The following CPLANE1 variants were observed in gnomAD, a reference collection of about 807,000 sequenced individuals.
CPLANE1 encodes the protein ciliogenesis and planar polarity effector 1.
CPLANE1 carries 263 observed loss-of-function variants against 362.5 expected under a neutral mutation model. The observed-to-expected ratio is 0.73, with a 90% CI of 0.66 to 0.80. The LOEUF is 0.80. CPLANE1 is among the 30% of genes least tolerant of loss of function. CPLANE1 has a pLI of 0.00. For missense variants in CPLANE1, 3,461 were observed against 3,793.4 expected (o/e 0.91, Z 2.30); for synonymous variants, 1,212 against 1,302.6 (o/e 0.93, Z 1.50).
chr5:37,164,398 A>G (rs1777693402), intron 36 of CPLANE1, 71 bp from the exon 37 acceptor site: 1 of 1,159,090 alleles, frequency 8.6e-7, no homozygotes, highest in Non-Finnish European at 1.3e-6. Context: ...AAAAAAATCA[A>G]TAGCTATGAA....
At chr5:37,232,418 T>C (rs1046449269) in intron 8 of CPLANE1, among the ~76,000 whole-genome samples, 5 of 149,816 alleles carry the variant, frequency 3.3e-5, no homozygotes, top group African/African-American at 1.2e-4. Context: ...CTCGGGAGGC[T>C]GAGGCAGAGA....
chr5:37,162,326 T>G (rs566729907), intron 38 of CPLANE1, 139 bp downstream of exon 38: 30 of 603,544 alleles, frequency 5.0e-5, no homozygotes, highest in Non-Finnish European at 8.1e-5. Flanking sequence ...ATACCAAGAC[T>G]GGAAAGAAAA....
Position 37,206,183 on chromosome 5 carries a change from CT to C in CPLANE1, c.3149+13del. 1 of 1,518,844 alleles carries C rather than the reference CT, an allele frequency of 6.6e-7. No homozygotes were observed. The highest frequency in any genetic ancestry group is 8.9e-7 in the Non-Finnish European group (1 of 1,117,342). 94.1% of individuals were successfully genotyped at this position (1,518,844 alleles called of 1,614,324 possible). A position where few individuals can be genotyped will look rare whatever the true frequency, so the allele number is the denominator to read the frequency against. On this transcript the variant is annotated intron_variant, in intron 17 of 52. Coordinates refer to ENST00000651892, the MANE Select transcript of CPLANE1 (RefSeq NM_001384732.1). ...CAATCATACTATATCTTAAAATTGC[CT>C]AAAAATCCATACCTCATGAAATTGC... is the stretch of plus-strand genomic sequence containing the variant.
At chr5:37,167,235 T>C (rs1217183340) in intron 34 of CPLANE1, 22 bp from the exon 35 acceptor site, 9 of 1,577,984 alleles carry the variant, frequency 5.7e-6, no homozygotes, top group Non-Finnish European at 1.7e-6. Context: ...AAACAAAGCA[T>C]AAGAATGACA....
At chr5:37,131,183 G>C (rs753744530) in intron 46 of CPLANE1, among the ~76,000 whole-genome samples, 1 of 152,196 alleles carries the variant, frequency 6.6e-6, no homozygotes, top group Non-Finnish European at 1.5e-5. Context: ...TGAAATCGCA[G>C]AATGCAGTTA....
intron 21 of CPLANE1, 23 bp from the exon 22 acceptor site, chr5:37,187,865 A>G (rs973471909): frequency 6.4e-7 from 1 of 1,555,194 alleles, no homozygotes. Context: ...CACAAATATG[A>G]AAGAAAATCA....
chr5:37,139,742 G>A, intron 44 of CPLANE1: 1 of 490,884 alleles, frequency 2.0e-6, no homozygotes, highest in Non-Finnish European at 2.6e-6. Flanking sequence ...TAGACACGGG[G>A]TCTTGCTATG....
intron 43 of CPLANE1, among the ~76,000 whole-genome samples, chr5:37,144,268 G>A (rs1341019339): frequency 6.6e-6 from 1 of 151,678 alleles, no homozygotes; most frequent in African/African-American, 2.4e-5. Flanking sequence ...AATTAGCCCA[G>A]CATGGTGGCA....
At chr5:37,168,204 A>G (rs957667828) in intron 34 of CPLANE1, among the ~76,000 whole-genome samples, 1 of 142,206 alleles carries the variant, frequency 7.0e-6, no homozygotes, top group Non-Finnish European at 1.5e-5. Flanking sequence ...CCATTTTAAT[A>G]TATATGCTAC....
chr5:37,097,800 C>T, the CPLANE1 span, among the ~76,000 whole-genome samples: 1 of 152,214 alleles, frequency 6.6e-6, no homozygotes, highest in East Asian at 1.9e-4. Flanking sequence ...CTCTCCCAAA[C>T]AAAAATGGAG....
chr5:37,214,331 T>C (rs1793439526), intron 15 of CPLANE1, among the ~76,000 whole-genome samples: 1 of 151,926 alleles, frequency 6.6e-6, no homozygotes. Flanking sequence ...AAACATTAGC[T>C]GGGCATGGTT....
Position 37,107,421 on chromosome 5 carries a change from C to G in CPLANE1, c.*181G>C. 4 of 1,278,210 alleles carry G rather than the reference C, an allele frequency of 3.1e-6. No homozygotes were observed. The highest frequency in any genetic ancestry group is 4.0e-6 in the Non-Finnish European group (4 of 1,007,018). The allele number at this position is 1,278,210 out of a possible 1,614,324, so 79.2% of individuals were successfully genotyped here. On this transcript the variant is annotated 3_prime_UTR_variant, in exon 53 of 53. Transcript: ENST00000651892. ...ATAGTCAACCCTTTCCCCATAAAGG[C>G]AAAGTTACTGAGAAATGTTTATTTT...
downstream of CPLANE1, among the ~76,000 whole-genome samples, chr5:37,101,791 C>A (rs1427447212): frequency 6.6e-6 from 1 of 152,104 alleles, no homozygotes; most frequent in Non-Finnish European, 1.5e-5. Context: ...TGTTCTTGAT[C>A]TATTCAGGAA....
At chr5:37,179,264 C>A in intron 29 of CPLANE1, 97 bp downstream of exon 29, 1 of 804,386 alleles carries the variant, frequency 1.2e-6, no homozygotes, top group South Asian at 1.8e-5. Flanking sequence ...GCTAGCCCTG[C>A]TTTGATATAT....
chr5:37,104,070 CT>C (rs1214997164), downstream of CPLANE1, among the ~76,000 whole-genome samples: 2 of 152,132 alleles, frequency 1.3e-5, no homozygotes, highest in Non-Finnish European at 2.9e-5. Flanking sequence ...CCTTTTCATT[CT>C]CTTTTCTTTA....
intron 34 of CPLANE1, among the ~76,000 whole-genome samples, chr5:37,168,172 A>G (rs1580357911): frequency 6.6e-6 from 1 of 152,336 alleles, no homozygotes; most frequent in South Asian, 2.1e-4. Context: ...TTTAAAGAGG[A>G]CTTGGTGGGT....
chr5:37,138,223 A>G (rs896655195), intron 46 of CPLANE1, among the ~76,000 whole-genome samples: 1 of 152,134 alleles, frequency 6.6e-6, no homozygotes, highest in African/African-American at 2.4e-5. Flanking sequence ...AGGTGCTCCA[A>G]TGTTGTATGC....
the CPLANE1 span, among the ~76,000 whole-genome samples, chr5:37,075,705 C>T: frequency 1.3e-5 from 2 of 152,090 alleles, no homozygotes; most frequent in African/African-American, 2.4e-5. Context: ...TCAGTAGAGC[C>T]AGAATACAGA....
chr5:37,088,990 A>C, the CPLANE1 span, among the ~76,000 whole-genome samples: 1 of 152,106 alleles, frequency 6.6e-6, no homozygotes, highest in Admixed American at 6.5e-5. Flanking sequence ...TGATTTTATC[A>C]TACTGGGTCC....
Sources: gnomAD v4.1 joint callset for allele counts (sites outside exome capture counted in the v4.1 genomes callset) on GRCh38, gnomAD v4.1.1 for gene constraint, MANE v1.5 for transcripts, NCBI Gene and HGNC (gene_info 2026-07-23, HGNC 2026-07-21) for gene names.